ENTREP2: variants seen among roughly 807,000 people sequenced by gnomAD.
The protein encoded by ENTREP2 is endosomal transmembrane epsin interactor 2.
At chr15:29,196,044 A>AT in the ENTREP2 span, among the ~76,000 whole-genome samples, 743 of 152,194 alleles carry the variant, frequency 4.9e-3, 2 homozygotes, top group Middle Eastern at 0.01. Flanking sequence ...AGACTGTCTG[A>AT]TTTTTTTCCT....
the ENTREP2 span, among the ~76,000 whole-genome samples, chr15:29,289,696 A>G: frequency 1.3e-5 from 2 of 151,998 alleles, no homozygotes; most frequent in African/African-American, 4.8e-5. Flanking sequence ...AAATACAAAA[A>G]TTAGCCAGGC....
At chr15:29,351,241 TG>T in the ENTREP2 span, among the ~76,000 whole-genome samples, 1 of 152,182 alleles carries the variant, frequency 6.6e-6, no homozygotes, top group Non-Finnish European at 1.5e-5. Context: ...TGTAATGCAA[TG>T]GTAAGTATTT....
chr15:29,486,496 G>T, the ENTREP2 span, among the ~76,000 whole-genome samples: 2 of 152,166 alleles, frequency 1.3e-5, no homozygotes, highest in African/African-American at 4.8e-5. Flanking sequence ...TTGAAGACCA[G>T]CCTGGCCAAC....
chr15:29,136,098 C>T, the ENTREP2 span, among the ~76,000 whole-genome samples: 1 of 152,242 alleles, frequency 6.6e-6, no homozygotes, highest in Admixed American at 6.5e-5. Context: ...GTTCCCCAGG[C>T]CCGGGCTGGC....
the ENTREP2 span, among the ~76,000 whole-genome samples, chr15:29,634,291 T>C: frequency 2.6e-5 from 4 of 152,110 alleles, no homozygotes; most frequent in Non-Finnish European, 5.9e-5. Flanking sequence ...TGTCACCCTT[T>C]GGTGCTGGCT....
At chr15:29,210,128 A>G in the ENTREP2 span, among the ~76,000 whole-genome samples, 1 of 151,706 alleles carries the variant, frequency 6.6e-6, no homozygotes, top group African/African-American at 2.4e-5. Context: ...TTTCCTATGC[A>G]GACCAACCAA....
At chr15:29,358,047 C>T in the ENTREP2 span, among the ~76,000 whole-genome samples, 1 of 152,106 alleles carries the variant, frequency 6.6e-6, no homozygotes, top group African/African-American at 2.4e-5. Flanking sequence ...ATCAATCACA[C>T]TGCCCATGAC....
At chr15:29,657,401 T>C in the ENTREP2 span, among the ~76,000 whole-genome samples, 2 of 136,360 alleles carry the variant, frequency 1.5e-5, no homozygotes, top group Non-Finnish European at 1.5e-5. Flanking sequence ...AAGTGAGCAG[T>C]AGCAGCTATA....
At chr15:29,468,058 C>T in the ENTREP2 span, among the ~76,000 whole-genome samples, 16 of 152,108 alleles carry the variant, frequency 1.1e-4, no homozygotes, top group Admixed American at 6.5e-4. Flanking sequence ...TGGTACGTGC[C>T]GGACAGAAGA....
At chr15:29,599,175 G>A in the ENTREP2 span, among the ~76,000 whole-genome samples, 1 of 152,204 alleles carries the variant, frequency 6.6e-6, no homozygotes, top group African/African-American at 2.4e-5. Flanking sequence ...AATAGGCAAC[G>A]TGCATCACAG....
chr15:29,346,098 T>C, the ENTREP2 span, among the ~76,000 whole-genome samples: 4 of 152,218 alleles, frequency 2.6e-5, no homozygotes, highest in Admixed American at 2.0e-4. Flanking sequence ...CCAGAGCCCA[T>C]GCACTCAAAG....
At chr15:29,319,967 A>T in the ENTREP2 span, among the ~76,000 whole-genome samples, 1 of 152,324 alleles carries the variant, frequency 6.6e-6, no homozygotes, top group African/African-American at 2.4e-5. Flanking sequence ...TGGCTGTAGC[A>T]GGGGAGGGAA....
At chr15:29,417,627 A>G in the ENTREP2 span, among the ~76,000 whole-genome samples, 19 of 152,076 alleles carry the variant, frequency 1.2e-4, no homozygotes, top group Non-Finnish European at 1.5e-5. Context: ...CAGGTACCCT[A>G]AAACTTAAAG....
chr15:29,561,817 G>C, the ENTREP2 span, among the ~76,000 whole-genome samples: 1 of 152,196 alleles, frequency 6.6e-6, no homozygotes, highest in Non-Finnish European at 1.5e-5. Flanking sequence ...CGGATGTGAA[G>C]TTGAAAGAGA....
At chr15:29,211,998 A>C in the ENTREP2 span, among the ~76,000 whole-genome samples, 15 of 152,168 alleles carry the variant, frequency 9.9e-5, no homozygotes, top group Non-Finnish European at 1.5e-4. Flanking sequence ...CACAGAATGA[A>C]TTAGGGAGGG....
the ENTREP2 span, among the ~76,000 whole-genome samples, chr15:29,377,834 A>C: frequency 6.8e-5 from 9 of 132,178 alleles, no homozygotes; most frequent in African/African-American, 2.4e-4. Flanking sequence ...AATAATAATA[A>C]TAATAATAAT....
the ENTREP2 span, chr15:29,123,552 G>GA: frequency 6.4e-7 from 1 of 1,551,786 alleles, no homozygotes; most frequent in Non-Finnish European, 8.7e-7. Context: ...AGGTCGCTGG[G>GA]AAGGGCTCTG....
the ENTREP2 span, among the ~76,000 whole-genome samples, chr15:29,501,178 A>G: frequency 6.6e-6 from 1 of 152,084 alleles, no homozygotes; most frequent in African/African-American, 2.4e-5. Context: ...AGTAGAAGAG[A>G]AGGGAATACT....
chr15:29,439,047 A>G, the ENTREP2 span, among the ~76,000 whole-genome samples: 68,082 of 151,400 alleles, frequency 0.45, 15,566 homozygotes, highest in African/African-American at 0.53. Flanking sequence ...GGCAATACAT[A>G]TATTTCCTAG....
Sources: gnomAD v4.1 joint callset for allele counts (sites outside exome capture counted in the v4.1 genomes callset) on GRCh38, gnomAD v4.1.1 for gene constraint, MANE v1.5 for transcripts, NCBI Gene and HGNC (gene_info 2026-07-23, HGNC 2026-07-21) for gene names.